KCNMB4: variants seen among roughly 807,000 people sequenced by gnomAD.
KCNMB4 encodes the protein calcium-activated potassium channel subunit beta-4.
A neutral mutation model predicts 20.7 loss-of-function variants in KCNMB4; 3 were observed. The ratio of observed to expected loss-of-function variants is 0.14; its 90% CI spans 0.07 to 0.37. The LOEUF (loss-of-function observed/expected upper bound fraction) is 0.37, where lower values mean the gene tolerates loss of function less well. Ranked by LOEUF, KCNMB4 falls within the 10% of genes least tolerant of loss-of-function variation. The pLI, the probability that KCNMB4 is intolerant of heterozygous loss-of-function variation, is 1.00. For synonymous variants in KCNMB4, 110 were observed against 113.4 expected (o/e 0.97, Z 0.19); for missense variants, 168 against 265.9 (o/e 0.63, Z 2.56).
intron 1 of KCNMB4, among the ~76,000 whole-genome samples, chr12:70,382,618 G>C (rs1310847945): frequency 1.3e-5 from 2 of 151,984 alleles, no homozygotes; most frequent in Non-Finnish European, 2.9e-5. Context: ...TATAATAAGG[G>C]AAAACTTACA....
intron 2 of KCNMB4, among the ~76,000 whole-genome samples, chr12:70,416,084 G>A (rs548409016): frequency 1.1e-4 from 17 of 152,290 alleles, no homozygotes; most frequent in African/African-American, 3.6e-4. Context: ...TGTTTCCTTA[G>A]TGAAACCATT....
intron 2 of KCNMB4, among the ~76,000 whole-genome samples, chr12:70,422,296 A>G (rs1393452431): frequency 6.6e-6 from 1 of 152,158 alleles, no homozygotes; most frequent in Non-Finnish European, 1.5e-5. Flanking sequence ...CCACAGACCA[A>G]ATTACTCTGA....
chr12:70,426,372 G>T (rs1489256596), intron 2 of KCNMB4, among the ~76,000 whole-genome samples: 2 of 151,874 alleles, frequency 1.3e-5, no homozygotes, highest in Non-Finnish European at 2.9e-5. Flanking sequence ...TAGCTAAGTA[G>T]CATTGCATTT....
At chr12:70,387,398 A>ATTTTTTTTT (rs200125786) in intron 1 of KCNMB4, among the ~76,000 whole-genome samples, 21 of 123,968 alleles carry the variant, frequency 1.7e-4, no homozygotes, top group East Asian at 4.7e-4. Context: ...AAATTTTTTA[A>ATTTTTTTTT]TTTTTTTTTT....
At chr12:70,418,151 C>T (rs1434326452) in intron 2 of KCNMB4, among the ~76,000 whole-genome samples, 6 of 152,206 alleles carry the variant, frequency 3.9e-5, no homozygotes, top group Admixed American at 3.9e-4. Context: ...CACCTCATTT[C>T]CTTGAGAACC....
At chr12:70,374,840 A>G (rs1233783776) in intron 1 of KCNMB4, among the ~76,000 whole-genome samples, 4 of 151,492 alleles carry the variant, frequency 2.6e-5, no homozygotes, top group Admixed American at 1.3e-4. Context: ...TAATCTAACT[A>G]TATTGCAGCA....
At chr12:70,414,493 C>G (rs1868864618) in intron 2 of KCNMB4, among the ~76,000 whole-genome samples, 1 of 152,104 alleles carries the variant, frequency 6.6e-6, no homozygotes, top group Non-Finnish European at 1.5e-5. Context: ...TGGGTGTCAC[C>G]AAGTTCATAT....
intron 1 of KCNMB4, among the ~76,000 whole-genome samples, chr12:70,377,335 C>A (rs1883705037): frequency 6.6e-6 from 1 of 152,116 alleles, no homozygotes; most frequent in African/African-American, 2.4e-5. Context: ...AAAAGAGTCA[C>A]ACAAATTTTT....
chr12:70,386,409 A>G, intron 1 of KCNMB4, among the ~76,000 whole-genome samples: 1 of 152,124 alleles, frequency 6.6e-6, no homozygotes. Context: ...TGGGATTGTG[A>G]GACAATTTTT....
chr12:70,409,788 G>A (rs1000914008), intron 2 of KCNMB4, among the ~76,000 whole-genome samples: 4 of 152,204 alleles, frequency 2.6e-5, no homozygotes, highest in African/African-American at 7.2e-5. Flanking sequence ...ATACTACCAT[G>A]TGCCAATGTT....
At chr12:70,420,731 G>A (rs909783721) in intron 2 of KCNMB4, among the ~76,000 whole-genome samples, 2 of 152,196 alleles carry the variant, frequency 1.3e-5, no homozygotes, top group African/African-American at 2.4e-5. Flanking sequence ...CTTTTACAAT[G>A]AATATGAGCT....
chr12:70,417,076 T>C (rs930251205), intron 2 of KCNMB4, among the ~76,000 whole-genome samples: 2 of 152,204 alleles, frequency 1.3e-5, no homozygotes, highest in Non-Finnish European at 2.9e-5. Context: ...ATACTGATGC[T>C]GGAGCTATAG....
intron 2 of KCNMB4, among the ~76,000 whole-genome samples, chr12:70,425,020 A>G (rs1358289952): frequency 6.6e-6 from 1 of 152,234 alleles, no homozygotes; most frequent in Non-Finnish European, 1.5e-5. Context: ...CTTTCAGTAG[A>G]AAACATCTTG....
At position 70,431,727 on chromosome 12, in the gene KCNMB4, T is replaced by C. The variant is rs1869370005; in HGVS notation, c.*1074T>C. ...AGTTGATTGAGAAGACCATATTTCT[T>C]TGTATCTTTTTATAAACTCAAATTC... On this transcript the variant is annotated 3_prime_UTR_variant, in exon 3 of 3. Transcript: ENST00000258111. 6.6e-6 allele frequency: 1 copy of C among 152,160 alleles called. No individual in the cohort carries two copies. The highest frequency in any genetic ancestry group is 2.4e-5 in the African/African-American group (1 of 41,438). 9.4% of individuals were successfully genotyped at this position (152,160 alleles called of 1,614,324 possible). A position where few individuals can be genotyped will look rare whatever the true frequency, so the allele number is the denominator to read the frequency against.
At chr12:70,417,762 T>G (rs539592646) in intron 2 of KCNMB4, among the ~76,000 whole-genome samples, 7 of 152,216 alleles carry the variant, frequency 4.6e-5, no homozygotes, top group Non-Finnish European at 8.8e-5. Context: ...GGATTTTCAC[T>G]TTCTTCTTTG....
At position 70,395,286 on chromosome 12, in the gene KCNMB4, A is replaced by G. The variant is rs561892155; in HGVS notation, c.337-4923A>G. On this transcript the variant is annotated intron_variant, in intron 1 of 2. Transcript: ENST00000258111. Reference sequence around the variant, plus strand: ...AGTCAATGGAAAACTGGAGAAACAAATTTCCTCATTTCTGTTTCTTAGATA... The same window carrying G: ...AGTCAATGGAAAACTGGAGAAACAAGTTTCCTCATTTCTGTTTCTTAGATA... Among the ~76,000 whole-genome samples, 10 of 152,230 alleles carry G rather than the reference A, an allele frequency of 6.6e-5. No individual in the cohort carries two copies. The East Asian group carries it at 1.7e-3, about 26-fold the overall frequency.
chr12:70,372,306 A>C (rs1235656315), intron 1 of KCNMB4, among the ~76,000 whole-genome samples: 1 of 152,220 alleles, frequency 6.6e-6, no homozygotes, highest in Non-Finnish European at 1.5e-5. Context: ...GGGCTGAAAT[A>C]TCATCAGACT....
intron 2 of KCNMB4, among the ~76,000 whole-genome samples, chr12:70,413,634 A>T (rs962554080): frequency 6.6e-6 from 1 of 152,198 alleles, no homozygotes; most frequent in Non-Finnish European, 1.5e-5. Context: ...ACAGACTCAT[A>T]GACTGTCAAA....
chr12:70,378,593 A>G (rs546899620), intron 1 of KCNMB4, among the ~76,000 whole-genome samples: 2 of 152,192 alleles, frequency 1.3e-5, no homozygotes, highest in African/African-American at 2.4e-5. Flanking sequence ...CTCGAGTACA[A>G]TGGTGTGGTC....
Sources: gnomAD v4.1 joint callset for allele counts (sites outside exome capture counted in the v4.1 genomes callset) on GRCh38, gnomAD v4.1.1 for gene constraint, MANE v1.5 for transcripts, NCBI Gene and HGNC (gene_info 2026-07-23, HGNC 2026-07-21) for gene names.